Variants in NRG1 observed in about 807,000 individuals in gnomAD.
NRG1 encodes pro-neuregulin-1, membrane-bound isoform.
Under a neutral mutation model 63.8 loss-of-function variants are expected in NRG1, and 18 were observed. That is an observed-to-expected ratio of 0.28 (90% CI 0.19 to 0.42). NRG1 has a LOEUF of 0.42. Ranked by LOEUF, NRG1 falls within the 10% of genes least tolerant of loss-of-function variation. NRG1 has a pLI of 1.00. For missense variants in NRG1, 762 were observed against 814.7 expected (o/e 0.94, Z 0.79); for synonymous variants, 302 against 301.3 (o/e 1.00, Z -0.02).
At chr8:32,009,476 G>C (rs1479658286) in intron 1 of NRG1, among the ~76,000 whole-genome samples, 1 of 152,016 alleles carries the variant, frequency 6.6e-6, no homozygotes, top group Admixed American at 6.6e-5. Flanking sequence ...TAAAATTCTA[G>C]TTGGGGGAGA....
intron 1 of NRG1, among the ~76,000 whole-genome samples, chr8:31,801,392 TTGTC>T (rs1821772736): frequency 6.6e-6 from 1 of 152,208 alleles, no homozygotes; most frequent in Non-Finnish European, 1.5e-5. Flanking sequence ...TTGCTATAAA[TTGTC>T]TGCTACATCT....
chr8:32,114,857 T>C (rs182283075), intron 1 of NRG1, among the ~76,000 whole-genome samples: 3 of 152,308 alleles, frequency 2.0e-5, no homozygotes, highest in Non-Finnish European at 4.4e-5. Context: ...TGAGCATCTA[T>C]GTTGACAAGA....
At chr8:32,354,681 G>C (rs1321145032) in intron 1 of NRG1, among the ~76,000 whole-genome samples, 2 of 150,086 alleles carry the variant, frequency 1.3e-5, no homozygotes, top group Non-Finnish European at 3.0e-5. Flanking sequence ...TTAAGGCCAG[G>C]AGTTTGAGAC....
chr8:32,352,307 A>G (rs1334473118), intron 1 of NRG1, among the ~76,000 whole-genome samples: 2 of 151,888 alleles, frequency 1.3e-5, no homozygotes, highest in East Asian at 3.9e-4. Flanking sequence ...CACTCTTAGG[A>G]CTGCCATTAA....
chr8:32,591,528 A>G (rs376742599), intron 1 of NRG1, among the ~76,000 whole-genome samples: 27 of 152,196 alleles, frequency 1.8e-4, no homozygotes, highest in East Asian at 7.7e-4. Context: ...GACCTGCCCA[A>G]TGAGTGATTG....
chr8:32,361,400 C>T (rs184105870), intron 1 of NRG1, among the ~76,000 whole-genome samples: 9 of 152,268 alleles, frequency 5.9e-5, no homozygotes, highest in African/African-American at 1.9e-4. Flanking sequence ...CAAACAGAAG[C>T]CCTGTATGCA....
intron 1 of NRG1, among the ~76,000 whole-genome samples, chr8:32,475,445 CAGAG>C (rs928268842): frequency 5.4e-5 from 6 of 110,384 alleles, no homozygotes; most frequent in African/African-American, 7.1e-5. Flanking sequence ...AGCCTGGTGA[CAGAG>C]AGAGACTCTG....
At chr8:32,244,381 A>G (rs1848414420) in intron 1 of NRG1, among the ~76,000 whole-genome samples, 1 of 152,162 alleles carries the variant, frequency 6.6e-6, no homozygotes, top group South Asian at 2.1e-4. Flanking sequence ...GTCACAATTT[A>G]TGTAAAATAG....
intron 1 of NRG1, among the ~76,000 whole-genome samples, chr8:32,228,503 A>T (rs1360864793): frequency 6.6e-6 from 1 of 152,086 alleles, no homozygotes; most frequent in African/African-American, 2.4e-5. Flanking sequence ...CCCACTTGTG[A>T]TATGATTCTA....
At chr8:31,792,349 C>T (rs62508598) in intron 1 of NRG1, among the ~76,000 whole-genome samples, 33,253 of 152,070 alleles carry the variant, frequency 0.22, 4,764 homozygotes, top group East Asian at 0.66. Context: ...CTTTGTTTTA[C>T]ACATGACAAA....
At chr8:32,366,275 T>G (rs1010296853) in intron 1 of NRG1, among the ~76,000 whole-genome samples, 4 of 152,162 alleles carry the variant, frequency 2.6e-5, no homozygotes, top group African/African-American at 9.6e-5. Context: ...ACTGTGCTAT[T>G]GAATACTAGA....
chr8:32,007,406 T>C (rs372994477), intron 1 of NRG1, among the ~76,000 whole-genome samples: 1 of 152,050 alleles, frequency 6.6e-6, no homozygotes, highest in East Asian at 1.9e-4. Context: ...AAATATCTAC[T>C]GGAGGCAGGG....
Position 32,302,539 on chromosome 8 carries a change from A to AT in NRG1, c.38-293282dup, listed in dbSNP as rs113290472. On this transcript the variant is annotated intron_variant, in intron 1 of 10. Coordinates refer to the NRG1 transcript ENST00000519301. ...TATTGTGTGATGTAACCATATGCCA[A>AT]TTTTTTTCTTTGACTATTGACTCAC... Among the ~76,000 whole-genome samples the AT allele has an allele frequency of 2.0e-5, 3 of 149,254 alleles. No homozygotes were observed. The East Asian group carries it at 6.0e-4, about 30-fold the overall frequency.
upstream of NRG1, among the ~76,000 whole-genome samples, chr8:32,543,572 T>C (rs1458219313): frequency 6.6e-6 from 1 of 152,154 alleles, no homozygotes. Flanking sequence ...TCAGCAATAG[T>C]ATTTAGCAGT....
intron 1 of NRG1, among the ~76,000 whole-genome samples, chr8:31,971,049 A>G (rs1586166885): frequency 8.4e-6 from 1 of 119,302 alleles, no homozygotes; most frequent in Non-Finnish European, 1.5e-5. Context: ...GTCCCAAAAG[A>G]AAAAAAAAAA....
At chr8:32,385,285 A>G (rs1810867144) in intron 1 of NRG1, among the ~76,000 whole-genome samples, 3 of 152,064 alleles carry the variant, frequency 2.0e-5, no homozygotes, top group Non-Finnish European at 2.9e-5. Flanking sequence ...TTGGCCTCCC[A>G]AAGTGCTGGG....
intron 1 of NRG1, among the ~76,000 whole-genome samples, chr8:32,380,262 A>G (rs777828937): frequency 6.6e-6 from 1 of 151,910 alleles, no homozygotes; most frequent in African/African-American, 2.4e-5. Context: ...TCCTCTTACA[A>G]TCCTTTTCGG....
At chr8:32,375,016 T>G (rs1429373495) in intron 1 of NRG1, among the ~76,000 whole-genome samples, 1 of 152,192 alleles carries the variant, frequency 6.6e-6, no homozygotes, top group Admixed American at 6.5e-5. Flanking sequence ...AAGGTCTGCC[T>G]CTGTCACCCA....
At chr8:32,324,370 C>T (rs1048230369) in intron 1 of NRG1, among the ~76,000 whole-genome samples, 4 of 152,140 alleles carry the variant, frequency 2.6e-5, no homozygotes, top group Non-Finnish European at 4.4e-5. Context: ...AATCACCATC[C>T]TTGTTAAAGA....
Sources: allele counts gnomAD v4.1 joint callset (sites outside exome capture counted in the v4.1 genomes callset), GRCh38; gene constraint gnomAD v4.1.1; transcripts MANE v1.5; gene names NCBI Gene and HGNC (gene_info 2026-07-23, HGNC 2026-07-21).